Variants in SDK2 observed in about 807,000 individuals in gnomAD.
SDK2 encodes sidekick cell adhesion molecule 2.
In SDK2, 105 loss-of-function variants were observed where a neutral mutation model predicts 253.9. The ratio of observed to expected loss-of-function variants is 0.41; its 90% CI spans 0.35 to 0.49. The LOEUF (loss-of-function observed/expected upper bound fraction) is 0.49, where lower values mean the gene tolerates loss of function less well. SDK2 is among the 20% of genes least tolerant of loss of function. SDK2 has a pLI of 0.06. For synonymous variants in SDK2, 1,249 were observed against 1,234.9 expected, an observed-to-expected ratio of 1.01 and a Z score of -0.24; for missense variants, 2,608 against 3,003.0, an observed-to-expected ratio of 0.87 and a Z score of 3.07.
intron 5 of SDK2, among the ~76,000 whole-genome samples, chr17:73,445,659 G>A (rs1265051160): frequency 1.3e-5 from 2 of 152,170 alleles, no homozygotes; most frequent in East Asian, 3.8e-4. Flanking sequence ...AGCTGGTGCT[G>A]GTGGTGGGCG....
Position 73,379,842 on chromosome 17 carries a change from A to G in SDK2, c.4763-293T>C, listed in dbSNP as rs1450162254. On this transcript the variant is annotated intron_variant, in intron 34 of 44. Transcript: ENST00000392650. This position sits in a 1 kb window ranked among gnomAD's most constrained non-coding sequence, Gnocchi z 4.5. ...AACCACTATGAATATTTACACCGGG[A>G]CAACCAGTGTAAACCAAAGCTGTCC... is the stretch of plus-strand genomic sequence containing the variant. 1.3e-5 allele frequency among the ~76,000 whole-genome samples: 2 copies of G among 151,944 alleles called. No individual in the cohort carries two copies. Among genetic ancestry groups the G allele is most frequent in the Non-Finnish European group, 2.9e-5 (2 of 67,996 alleles).
chr17:73,506,234 C>T, intron 2 of SDK2, among the ~76,000 whole-genome samples: 1 of 152,210 alleles, frequency 6.6e-6, no homozygotes, highest in East Asian at 1.9e-4. Flanking sequence ...CTCTGGCCCC[C>T]AACTGAAAAC....
rs141886048 is a variant in SDK2, at chr17:73,556,796, C to T, written c.65-49199G>A. On this transcript the variant is annotated intron_variant, in intron 1 of 44. Transcript: ENST00000392650. Reference sequence around the variant, plus strand: ...CACCTGGGTTCACATCTGAGCTCTGCCCTGTATTGCTTTTGAGGGGATTTT... The same window carrying T: ...CACCTGGGTTCACATCTGAGCTCTGTCCTGTATTGCTTTTGAGGGGATTTT... 6.2e-3 allele frequency among the ~76,000 whole-genome samples: 944 copies of T among 152,256 alleles called. 11 individuals are homozygous for T. The highest frequency in any genetic ancestry group is 0.02 in the African/African-American group (843 of 41,534).
chr17:73,493,749 T>C (rs1185762187), intron 2 of SDK2, among the ~76,000 whole-genome samples: 4 of 152,214 alleles, frequency 2.6e-5, no homozygotes, highest in African/African-American at 9.6e-5. Context: ...AGGCATGTTG[T>C]GCATGGCTGT....
rs1245584442 is a variant in SDK2, at chr17:73,423,481, C to T, written c.1802G>A (p.Ser601Asn). ...HAPEHPVATL[S>N]TVERRAINLT... ...GTTGATGGCTCGCCTTTCCACGGTG[C>T]TGAGAGTGGCCACTGGGTGCTCGGG... Residue 601 changes from serine to asparagine, a missense_variant, in exon 14 of 45, where the codon AGC (serine) becomes AAC (asparagine). By Grantham distance (46) the Ser-to-Asn change is conservative. This residue lies in a region of SDK2 where 1,505 missense variants were observed against 1,859.1 expected (regional missense o/e 0.81). Transcript: ENST00000392650. 1.3e-6 allele frequency: 2 copies of T among 1,590,878 alleles called. No homozygotes were observed. Among genetic ancestry groups the T allele is most frequent in the Non-Finnish European group, 1.7e-6 (2 of 1,166,432 alleles).
chr17:73,365,370 C>G lies in SDK2; in HGVS notation c.5193G>C (p.Lys1731Asn), dbSNP rs776724578. The G allele has an allele frequency of 6.2e-7, 1 of 1,611,188 alleles. No individual in the cohort carries two copies. Residue 1731 changes from lysine to asparagine, a missense_variant, in exon 38 of 45, where the codon AAG becomes AAC. Physicochemically the swap from Lys to Asn is moderately conservative, Grantham distance 94. Around this residue, in one of 2 missense-constraint regions of SDK2, gnomAD observed 1,103 missense variants for 1,143.9 expected, o/e 0.96. Transcript: ENST00000392650. ...QAAPSAPSSV[K>N]FSELTTTSVN... is the part of the protein sequence containing the mutation. ...CTGAGGTTGTGGTCAGCTCACTGAA[C>G]TTGACCGAGCTGGGAGCGCTGGGGG...
chr17:73,425,454 C>T (rs890800555), intron 12 of SDK2, among the ~76,000 whole-genome samples: 1 of 152,154 alleles, frequency 6.6e-6, no homozygotes, highest in East Asian at 1.9e-4. Flanking sequence ...ACTCTCAGGC[C>T]AAATGCTGGC....
chr17:73,553,353 G>T (rs2045094007), intron 1 of SDK2, among the ~76,000 whole-genome samples: 1 of 152,164 alleles, frequency 6.6e-6, no homozygotes, highest in African/African-American at 2.4e-5. Flanking sequence ...TAATACCAGG[G>T]TCTCCATAGT....
chr17:73,463,530 C>A (rs373087003), intron 3 of SDK2, among the ~76,000 whole-genome samples: 8 of 152,286 alleles, frequency 5.3e-5, no homozygotes, highest in African/African-American at 1.9e-4. Context: ...CTGGATCTCC[C>A]CCCTTCCCCG....
chr17:73,354,939 A>G (rs2062573967), intron 40 of SDK2, among the ~76,000 whole-genome samples: 1 of 151,502 alleles, frequency 6.6e-6, no homozygotes, highest in Non-Finnish European at 1.5e-5. Context: ...ACTGCAGCAG[A>G]GGCGCCTCGA....
Position 73,431,772 on chromosome 17 carries a change from C to T in SDK2, c.1313-103G>A. ...GCATGGTCCCCCCACAGGCCCCTGG[C>T]TCTGGAAATGCTGGAAGGAATGAGG... On this transcript the variant is annotated intron_variant, in intron 10 of 44. Transcript: ENST00000392650. The surrounding 1 kb of genome is among the most constrained non-coding windows in gnomAD (Gnocchi z 5.6). 1 of 1,236,062 alleles carries T rather than the reference C, an allele frequency of 8.1e-7. No homozygotes were observed. The highest frequency in any genetic ancestry group is 1.1e-6 in the Non-Finnish European group (1 of 921,030). 76.6% of individuals were successfully genotyped at this position (1,236,062 alleles called of 1,614,324 possible).
In SDK2 at chr17:73,395,255, G is replaced by A. The variant is rs779344771; in HGVS notation, c.3492C>T (p.Asp1164=). 1 of 1,613,806 alleles carries A rather than the reference G, an allele frequency of 6.2e-7. No individual in the cohort carries two copies. Among genetic ancestry groups the A allele is most frequent in the South Asian group, 1.1e-5 (1 of 91,060 alleles). ...CGCGGTACTCTGTCCACTCCTCCAG[G>A]TCCTCGATGGTGTAGTCCCGCTCCA... is the stretch of plus-strand genomic sequence containing the variant. ...DRVERDYTIE[D]LEEWTEYRVQ... The change falls in exon 25 of 45, where the codon GAC becomes GAT. Residue 1164 remains aspartate, a synonymous_variant. Transcript: ENST00000392650. The surrounding 1 kb of genome is among the most constrained non-coding windows in gnomAD (Gnocchi z 4.3).
At chr17:73,415,019 TG>T (rs1343102816) in intron 17 of SDK2, among the ~76,000 whole-genome samples, 1 of 152,232 alleles carries the variant, frequency 6.6e-6, no homozygotes, top group Non-Finnish European at 1.5e-5. Context: ...TGCTCTGGCA[TG>T]GTTTTCAGGT....
At chr17:73,492,756 C>T (rs1042737436) in intron 2 of SDK2, among the ~76,000 whole-genome samples, 5 of 152,136 alleles carry the variant, frequency 3.3e-5, no homozygotes, top group East Asian at 3.9e-4. Context: ...CTCTTCAGGG[C>T]GACGAAGACA....
Position 73,435,632 on chromosome 17 carries a change from G to T in SDK2, c.1013C>A (p.Pro338His). ...IPCQAKGVPP[P>H]SITWYKDAAV... The stretch of plus-strand genomic sequence containing the variant: ...TGCGTCCTTGTACCAGGTGATGGAG[G>T]GCGGCGGCACACCTGTGGGCAAGAC... The change falls in exon 9 of 45, where the codon CCC becomes CAC. Residue 338 changes from proline to histidine, a missense_variant. This residue lies in a region of SDK2 where 1,505 missense variants were observed against 1,859.1 expected (regional missense o/e 0.81). Coordinates refer to ENST00000392650, the MANE Select transcript of SDK2 (RefSeq NM_001144952.2). The surrounding 1 kb of genome is among the most constrained non-coding windows in gnomAD (Gnocchi z 5.7). 6.4e-7 allele frequency: 1 copy of T among 1,564,582 alleles called. No homozygotes were observed.
intron 27 of SDK2, among the ~76,000 whole-genome samples, chr17:73,393,323 C>T (rs1285633874): frequency 6.6e-6 from 1 of 151,396 alleles, no homozygotes; most frequent in Non-Finnish European, 1.5e-5. Context: ...TGCAGAGAGA[C>T]CAAGAGACTG....
chr17:73,477,230 C>T (rs2063692446), intron 2 of SDK2, among the ~76,000 whole-genome samples: 1 of 152,214 alleles, frequency 6.6e-6, no homozygotes, highest in Non-Finnish European at 1.5e-5. Flanking sequence ...CCAAGACACA[C>T]TCAGCCCACA....
In SDK2 at chr17:73,456,016, G is replaced by T; in HGVS notation, c.369C>A (p.Ser123Arg). The T allele has an allele frequency of 6.5e-7, 1 of 1,537,924 alleles. No homozygotes were observed. The highest frequency in any genetic ancestry group is 2.0e-5 in the Admixed American group (1 of 50,082). Residue 123 changes from serine (S) to arginine (R), a missense_variant, in exon 4 of 45, where the codon AGC becomes AGA. Ser to Arg is a moderately radical substitution (Grantham distance 110, BLOSUM62 -1). Transcript: ENST00000392650. Reference sequence around the variant, plus strand: ...TGACAGCTGCTTCTCCGTGGGAGACGCTCTGGTGCTTCTCACCTTCCTCAA... The same window carrying T: ...TGACAGCTGCTTCTCCGTGGGAGACTCTCTGGTGCTTCTCACCTTCCTCAA... ...GSFEEGEKHQ[S>R]VSHGEAAVIR...
rs759674807 is a variant in SDK2 at position 73,361,820 on chromosome 17, G to A, written c.5331C>T (p.Asp1777=). 33 of 1,602,726 alleles carry A rather than the reference G, an allele frequency of 2.1e-5. No homozygotes were observed. The highest frequency in any genetic ancestry group is 1.9e-4 in the South Asian group (17 of 89,050). ...VDGVSKIVTV[D]VKGNSPLWLK... is the part of the protein sequence containing the mutation. ...GCCACAGGGGGCTGTTCCCCTTCACGTCCACGGTCACGATCTTGCTGACTC... is the reference window on the plus strand; with the variant it reads ...GCCACAGGGGGCTGTTCCCCTTCACATCCACGGTCACGATCTTGCTGACTC... The change falls in exon 39 of 45, where the codon GAC becomes GAT. Residue 1777 remains aspartate, a synonymous_variant. Coordinates refer to ENST00000392650, the MANE Select transcript of SDK2 (RefSeq NM_001144952.2). This position sits in a 1 kb window ranked among gnomAD's most constrained non-coding sequence, Gnocchi z 4.1.
Sources: allele counts gnomAD v4.1 joint callset (sites outside exome capture counted in the v4.1 genomes callset), GRCh38; gene constraint gnomAD v4.1.1; regional missense constraint gnomAD v4.1.1; non-coding constraint Gnocchi (gnomAD v3.1); transcripts MANE v1.5; gene names NCBI Gene and HGNC (gene_info 2026-07-23, HGNC 2026-07-21).